ACACB: variants seen among roughly 807,000 people sequenced by gnomAD.
ACACB encodes acetyl-CoA carboxylase beta.
In ACACB, 209 loss-of-function variants were observed where a neutral mutation model predicts 278.8. That is an observed-to-expected ratio of 0.75 (90% CI 0.67 to 0.84). The LOEUF (loss-of-function observed/expected upper bound fraction) is 0.84, where lower values mean the gene tolerates loss of function less well. Among genes scored for constraint, ACACB ranks in the 40% least tolerant of loss-of-function variants. ACACB has a pLI of 0.00. For synonymous variants in ACACB, 1,174 were observed against 1,285.6 expected, an observed-to-expected ratio of 0.91 and a Z score of 1.86; for missense variants, 2,850 against 3,269.0, an observed-to-expected ratio of 0.87 and a Z score of 3.13.
chr12:109,266,870 A>G lies in ACACB; in HGVS notation c.*508A>G, dbSNP rs2047531583. ...TATTTTTGTAATGATGTTTCTTTGG[A>G]TACTGTCTAGTCACCCAGAAAAATG... On this transcript the variant is annotated 3_prime_UTR_variant, in exon 53 of 53. Coordinates refer to ENST00000338432, the MANE Select transcript of ACACB (RefSeq NM_001093.4). 1 of 151,606 alleles carries G rather than the reference A, an allele frequency of 6.6e-6. No homozygotes were observed. The highest frequency in any genetic ancestry group is 2.4e-5 in the African/African-American group (1 of 41,254). 9.4% of individuals were successfully genotyped at this position (151,606 alleles called of 1,614,324 possible). A position where few individuals can be genotyped will look rare whatever the true frequency, so the allele number is the denominator to read the frequency against.
rs151246691 is a variant in ACACB, at chr12:109,191,942, C to T, written c.2391C>T (p.Ser797=). Residue 797 remains serine, a synonymous_variant, in exon 15 of 53, where the codon TCC becomes TCT. Transcript: ENST00000338432. ...FRTCMTDFLH[S]LERGQVLPAD... Reference sequence around the variant, plus strand: ...CGTGCATGACAGATTTCTTACACTCCCTGGAAAGGTAGGGGCTGTGGCAGT... The same window carrying T: ...CGTGCATGACAGATTTCTTACACTCTCTGGAAAGGTAGGGGCTGTGGCAGT... 10 of 1,614,122 alleles carry T rather than the reference C, an allele frequency of 6.2e-6. No homozygotes were observed. Among genetic ancestry groups the T allele is most frequent in the African/African-American group, 1.3e-5 (1 of 75,016 alleles).
At chr12:109,237,502 C>A in intron 34 of ACACB, 122 bp downstream of exon 34, 2 of 1,053,550 alleles carry the variant, frequency 1.9e-6, no homozygotes, top group East Asian at 2.6e-5. Context: ...CACCCAGGGT[C>A]CTGCCCTTGC....
intron 47 of ACACB, 62 bp from the exon 48 acceptor site, chr12:109,260,418 G>A: frequency 4.4e-6 from 7 of 1,600,358 alleles, no homozygotes; most frequent in Non-Finnish European, 6.0e-6. Flanking sequence ...GACAACTAGG[G>A]CAGTGGGTTT....
intron 28 of ACACB, among the ~76,000 whole-genome samples, chr12:109,230,035 G>A (rs968955792): frequency 1.6e-4 from 24 of 152,136 alleles, no homozygotes; most frequent in Middle Eastern, 3.2e-3. Context: ...GGGTGCCCAA[G>A]GCCTTACCTA....
chr12:109,167,540 A>G (rs1008115435), intron 3 of ACACB, among the ~76,000 whole-genome samples: 17 of 149,320 alleles, frequency 1.1e-4, no homozygotes, highest in African/African-American at 4.0e-4. Context: ...TCGAAGCTGC[A>G]GTGAGCTGTG....
chr12:109,131,791 G>A (rs1361540635), intron 1 of ACACB, among the ~76,000 whole-genome samples: 1 of 152,172 alleles, frequency 6.6e-6, no homozygotes, highest in Admixed American at 6.5e-5. Context: ...TCAGCGAAGG[G>A]CAGCAGCTTG....
chr12:109,210,485 GTA>G (rs1233188296), intron 21 of ACACB, among the ~76,000 whole-genome samples: 19 of 145,530 alleles, frequency 1.3e-4, no homozygotes, highest in South Asian at 2.1e-4. Context: ...GTGTATATGT[GTA>G]TATATACATG....
chr12:109,157,366 G>A (rs762514250), intron 2 of ACACB, among the ~76,000 whole-genome samples: 87 of 151,600 alleles, frequency 5.7e-4, no homozygotes, highest in Non-Finnish European at 1.0e-3. Context: ...CTCAGCCTCC[G>A]GGCTCAAGCA....
intron 46 of ACACB, 101 bp downstream of exon 46, chr12:109,258,465 G>T: frequency 6.6e-6 from 6 of 911,804 alleles, no homozygotes; most frequent in Non-Finnish European, 1.0e-5. Flanking sequence ...AACTTAGGTG[G>T]AGAAGCAGGG....
chr12:109,139,125 G>A (rs971116714), intron 1 of ACACB, among the ~76,000 whole-genome samples: 2 of 152,074 alleles, frequency 1.3e-5, no homozygotes, highest in African/African-American at 2.4e-5. Context: ...ACTTGGAATC[G>A]TATAATATGT....
intron 24 of ACACB, among the ~76,000 whole-genome samples, chr12:109,220,449 A>C (rs547666247): frequency 6.6e-6 from 1 of 152,360 alleles, no homozygotes; most frequent in African/African-American, 2.4e-5. Context: ...CGTTAGTGAC[A>C]AAACGAAGCA....
At chr12:109,217,817 A>G (rs981350769) in intron 24 of ACACB, among the ~76,000 whole-genome samples, 6 of 152,202 alleles carry the variant, frequency 3.9e-5, no homozygotes, top group Admixed American at 2.0e-4. Context: ...AACAAAAAAA[A>G]TCCCAACTTT....
intron 37 of ACACB, 35 bp from the exon 38 acceptor site, chr12:109,245,591 C>G (rs984368528): frequency 1.9e-6 from 3 of 1,606,284 alleles, no homozygotes; most frequent in Non-Finnish European, 1.7e-6. Flanking sequence ...CTACTGATGA[C>G]TTCAAGTTTT....
At chr12:109,215,490 G>A (rs1470596952) in intron 22 of ACACB, among the ~76,000 whole-genome samples, 3 of 152,034 alleles carry the variant, frequency 2.0e-5, no homozygotes, top group Admixed American at 6.6e-5. Flanking sequence ...TTGGCTGGGC[G>A]CGGTGGCTCA....
intron 48 of ACACB, 150 bp from the exon 49 acceptor site, chr12:109,262,207 A>G: frequency 1.6e-6 from 1 of 607,118 alleles, no homozygotes; most frequent in Non-Finnish European, 3.0e-6. Context: ...TGACTTGTCT[A>G]AGGGCACACA....
intron 2 of ACACB, among the ~76,000 whole-genome samples, chr12:109,144,750 CTTTCTTTTTTT>C (rs1394090339): frequency 1.2e-5 from 1 of 86,770 alleles, no homozygotes; most frequent in Non-Finnish European, 2.1e-5. Context: ...TTCTTTCTTT[CTTTCTTTTTTT>C]TTTTTTTTTT....
chr12:109,180,385 A>T (rs1199420431), intron 11 of ACACB, among the ~76,000 whole-genome samples: 2 of 152,210 alleles, frequency 1.3e-5, no homozygotes, highest in Non-Finnish European at 2.9e-5. Flanking sequence ...TGAAATTTTA[A>T]TATCACAAAT....
chr12:109,245,749 G>A lies in ACACB; in HGVS notation c.5301+1G>A, dbSNP rs889051002. On this transcript the variant is annotated splice_donor_variant, in intron 38 of 52. Transcript: ENST00000338432. LOFTEE classifies it high-confidence loss of function. ...GAACCGACTTCCTGGTGGAAATGAG[G>A]TAATAGCTCAGCGGAGCCTAACCCC... is the stretch of plus-strand genomic sequence containing the variant. 4 of 1,613,654 alleles carry A rather than the reference G, an allele frequency of 2.5e-6. No homozygotes were observed. In the African/African-American group the frequency reaches 5.3e-5, roughly 22 times the overall value.
Position 109,234,025 on chromosome 12 carries a change from C to T in ACACB, c.4327C>T (p.Arg1443Trp), listed in dbSNP as rs200412699. The T allele has an allele frequency of 1.5e-4, 236 of 1,612,896 alleles. No homozygotes were observed. The highest frequency in any genetic ancestry group is 2.7e-5 in the African/African-American group (2 of 75,040). ...LEDEALVPIL[R>W]TFVQSKKNIL... is the part of the protein sequence containing the mutation. ...GGATGAGGCACTGGTGCCGATTTTA[C>T]GGACATTCGTACAGTCCAAGGTACT... is the stretch of plus-strand genomic sequence containing the variant. Residue 1443 changes from arginine to tryptophan, a missense_variant, in exon 31 of 53, where the codon CGG becomes TGG. Around this residue, in one of 3 missense-constraint regions of ACACB, gnomAD observed 2,265 missense variants for 2,561.3 expected, o/e 0.88. Coordinates refer to ENST00000338432, the MANE Select transcript of ACACB (RefSeq NM_001093.4).
Sources: allele counts gnomAD v4.1 joint callset (sites outside exome capture counted in the v4.1 genomes callset), GRCh38; gene constraint gnomAD v4.1.1; regional missense constraint gnomAD v4.1.1; transcripts MANE v1.5; gene names NCBI Gene and HGNC (gene_info 2026-07-23, HGNC 2026-07-21).